CNOT4: variants seen among roughly 807,000 people sequenced by gnomAD.
CNOT4 encodes CCR4-NOT transcription complex subunit 4.
In CNOT4, 8 loss-of-function variants were observed where a neutral mutation model predicts 73.8. That is an observed-to-expected ratio of 0.11 (90% CI 0.06 to 0.20). CNOT4 has a LOEUF of 0.20. CNOT4 is among the 10% of genes least tolerant of loss of function. CNOT4 has a pLI of 1.00. For missense variants in CNOT4, 564 were observed against 883.4 expected, an observed-to-expected ratio of 0.64 and a Z score of 4.58; for synonymous variants, 293 against 321.1, an observed-to-expected ratio of 0.91 and a Z score of 0.94.
intron 1 of CNOT4, among the ~76,000 whole-genome samples, chr7:135,489,659 GTGC>G (rs1802974679): frequency 6.6e-6 from 1 of 152,066 alleles, no homozygotes; most frequent in South Asian, 2.1e-4. Context: ...ACCTCCAAAA[GTGC>G]TGGGATTACA....
At chr7:135,451,351 T>C (rs1269657215) in intron 1 of CNOT4, among the ~76,000 whole-genome samples, 3 of 152,212 alleles carry the variant, frequency 2.0e-5, no homozygotes, top group Admixed American at 1.3e-4. Flanking sequence ...CTGGAATGCA[T>C]GGCATGATCT....
intron 10 of CNOT4, among the ~76,000 whole-genome samples, chr7:135,385,716 G>A (rs542033168): frequency 2.0e-5 from 3 of 152,130 alleles, no homozygotes; most frequent in Admixed American, 6.5e-5. Context: ...GCCACTGTCG[G>A]AGCAGTTACT....
At chr7:135,457,224 C>T (rs910625624) in intron 1 of CNOT4, among the ~76,000 whole-genome samples, 40 of 151,554 alleles carry the variant, frequency 2.6e-4, no homozygotes, top group African/African-American at 9.0e-4. Flanking sequence ...TTGGCAACAA[C>T]AGGGAGCATA....
Position 135,484,934 on chromosome 7 carries a change from C to T in CNOT4, c.-93+24955G>A, listed in dbSNP as rs556692993. ...TATGCTGAAAATTACAAAATGCTAA[C>T]GTAAAATCAAAGATCTAAATAACTG... On this transcript the variant is annotated intron_variant, in intron 1 of 11. Coordinates refer to ENST00000541284, the MANE Select transcript of CNOT4 (RefSeq NM_001190850.2). 2.4e-4 allele frequency among the ~76,000 whole-genome samples: 36 copies of T among 152,016 alleles called. 2 individuals carry two copies. The South Asian group carries it at 3.1e-3, about 13-fold the overall frequency.
intron 10 of CNOT4, among the ~76,000 whole-genome samples, chr7:135,390,876 G>T (rs1796364522): frequency 6.6e-6 from 1 of 152,066 alleles, no homozygotes; most frequent in Admixed American, 6.6e-5. Flanking sequence ...CCAGAGTGTA[G>T]AATTAGTTTA....
intron 1 of CNOT4, among the ~76,000 whole-genome samples, chr7:135,487,839 G>A (rs942852637): frequency 2.8e-4 from 42 of 152,262 alleles, no homozygotes; most frequent in African/African-American, 9.9e-4. Flanking sequence ...GGATCACGAG[G>A]TCAGGAGATC....
intron 1 of CNOT4, among the ~76,000 whole-genome samples, chr7:135,479,461 G>A (rs1003581101): frequency 7.3e-5 from 11 of 151,614 alleles, no homozygotes; most frequent in Admixed American, 2.0e-4. Flanking sequence ...CGCCCGCCTC[G>A]GCCTCCCAAA....
At chr7:135,415,621 T>C (rs751209063) in intron 3 of CNOT4, among the ~76,000 whole-genome samples, 2 of 152,136 alleles carry the variant, frequency 1.3e-5, no homozygotes, top group Non-Finnish European at 2.9e-5. Flanking sequence ...AGATGATCCT[T>C]ACACGAAAGC....
At chr7:135,409,057 C>CA (rs1486096181) in intron 7 of CNOT4, among the ~76,000 whole-genome samples, 1 of 152,070 alleles carries the variant, frequency 6.6e-6, no homozygotes, top group Non-Finnish European at 1.5e-5. Flanking sequence ...CTGAAATCAC[C>CA]AAGGGCTATA....
chr7:135,414,254 C>G (rs12538205), intron 5 of CNOT4, 77 bp downstream of exon 5: 1 of 634,508 alleles, frequency 1.6e-6, no homozygotes, highest in East Asian at 2.6e-5. Context: ...TATATAAATG[C>G]TCAGTTCTCC....
At chr7:135,419,500 T>C (rs1798060239) in intron 3 of CNOT4, among the ~76,000 whole-genome samples, 1 of 152,180 alleles carries the variant, frequency 6.6e-6, no homozygotes, top group Non-Finnish European at 1.5e-5. Context: ...AAAACACTTG[T>C]CTCTGGTCTT....
In CNOT4 at chr7:135,443,799, A is replaced by G. The variant is rs564481358; in HGVS notation, c.-92-5376T>C. ...TTTGAAAGTGTCTTATCACTTATAA[A>G]GTGTTGCTGTATACATGGTTTTGTG... is the stretch of plus-strand genomic sequence containing the variant. On this transcript the variant is annotated intron_variant, in intron 1 of 11. Coordinates refer to ENST00000541284, the MANE Select transcript of CNOT4 (RefSeq NM_001190850.2). Among the ~76,000 whole-genome samples the G allele has an allele frequency of 5.9e-5, 9 of 152,300 alleles. No individual in the cohort carries two copies. In the East Asian group the frequency reaches 1.7e-3, roughly 29 times the overall value.
chr7:135,470,623 T>C (rs2129486697), intron 1 of CNOT4, among the ~76,000 whole-genome samples: 1 of 150,324 alleles, frequency 6.7e-6, no homozygotes, highest in Middle Eastern at 3.5e-3. Flanking sequence ...ATAAATGAAC[T>C]GTGGTATACT....
intron 1 of CNOT4, among the ~76,000 whole-genome samples, chr7:135,453,149 ATAAAT>A (rs1800282030): frequency 6.6e-6 from 1 of 152,208 alleles, no homozygotes; most frequent in Non-Finnish European, 1.5e-5. Context: ...CTGGACTCCT[ATAAAT>A]TAGTCTTTTT....
At chr7:135,394,438 T>C (rs1297997366) in intron 9 of CNOT4, 23 bp from the exon 10 acceptor site, 7 of 1,557,932 alleles carry the variant, frequency 4.5e-6, no homozygotes, top group Non-Finnish European at 6.1e-6. Context: ...AAAATAGTGA[T>C]GAATATCAGA....
intron 1 of CNOT4, among the ~76,000 whole-genome samples, chr7:135,497,182 C>A (rs1048318207): frequency 1.3e-5 from 2 of 151,740 alleles, no homozygotes; most frequent in Admixed American, 6.6e-5. Context: ...CCGAGGCAGG[C>A]GGATTGCTTG....
At chr7:135,508,467 G>C (rs1190707905) in intron 1 of CNOT4, among the ~76,000 whole-genome samples, 5 of 152,144 alleles carry the variant, frequency 3.3e-5, no homozygotes, top group Admixed American at 3.3e-4. Flanking sequence ...TCTTTTCTAT[G>C]AGAAAAATAC....
intron 10 of CNOT4, among the ~76,000 whole-genome samples, chr7:135,392,815 G>T (rs762575446): frequency 6.6e-6 from 1 of 152,086 alleles, no homozygotes; most frequent in Non-Finnish European, 1.5e-5. Context: ...AATATTGTCG[G>T]TCCCAAAGGG....
intron 1 of CNOT4, among the ~76,000 whole-genome samples, chr7:135,439,175 G>A (rs1359563733): frequency 2.0e-5 from 3 of 152,160 alleles, no homozygotes; most frequent in African/African-American, 7.2e-5. Context: ...TAAAGCCACT[G>A]TTAGATTAAA....
Sources: gnomAD v4.1 joint callset for allele counts (sites outside exome capture counted in the v4.1 genomes callset) on GRCh38, gnomAD v4.1.1 for gene constraint, MANE v1.5 for transcripts, NCBI Gene and HGNC (gene_info 2026-07-23, HGNC 2026-07-21) for gene names.